Variants in RALGAPA1 observed in about 807,000 individuals in gnomAD.
RALGAPA1 encodes ral GTPase-activating protein subunit alpha-1.
RALGAPA1 carries 52 observed loss-of-function variants against 269.6 expected under a neutral mutation model. The observed-to-expected ratio is 0.19, with a 90% CI of 0.15 to 0.24. The LOEUF is 0.24. Among genes scored for constraint, RALGAPA1 ranks in the 10% least tolerant of loss-of-function variants. RALGAPA1 has a pLI of 1.00. For missense variants in RALGAPA1, 1,917 were observed against 3,013.9 expected (o/e 0.64, Z 8.52); for synonymous variants, 817 against 1,008.3 (o/e 0.81, Z 3.60).
intron 39 of RALGAPA1, among the ~76,000 whole-genome samples, chr14:35,569,483 T>G (rs1403878629): frequency 6.6e-6 from 1 of 152,192 alleles, no homozygotes; most frequent in East Asian, 1.9e-4. Flanking sequence ...TTATTATCAT[T>G]CTCATTTTAT....
At chr14:35,588,070 C>G (rs1478157360) in intron 37 of RALGAPA1, among the ~76,000 whole-genome samples, 1 of 152,076 alleles carries the variant, frequency 6.6e-6, no homozygotes, top group Non-Finnish European at 1.5e-5. Flanking sequence ...CCACGCCCAG[C>G]TAGTTTTTGA....
intron 31 of RALGAPA1, among the ~76,000 whole-genome samples, chr14:35,636,864 T>A (rs1566889613): frequency 6.6e-6 from 1 of 152,196 alleles, no homozygotes; most frequent in African/African-American, 2.4e-5. Flanking sequence ...AATCCCAGCA[T>A]CTTTCTCCCA....
chr14:35,554,513 A>AT (rs754506615), intron 39 of RALGAPA1, among the ~76,000 whole-genome samples: 19 of 149,874 alleles, frequency 1.3e-4, no homozygotes, highest in East Asian at 1.2e-3. Context: ...CGCCCGGCTA[A>AT]TTTTTTGTAT....
At chr14:35,667,537 C>G (rs2064046271) in intron 26 of RALGAPA1, among the ~76,000 whole-genome samples, 1 of 152,160 alleles carries the variant, frequency 6.6e-6, no homozygotes, top group Admixed American at 6.5e-5. Flanking sequence ...TACTTGTGAT[C>G]TAGTTAAAAT....
At chr14:35,657,227 T>C (rs1441909986) in intron 28 of RALGAPA1, among the ~76,000 whole-genome samples, 1 of 151,374 alleles carries the variant, frequency 6.6e-6, no homozygotes, top group Non-Finnish European at 1.5e-5. Context: ...CACTCTGTCT[T>C]GCCCAGGCTG....
intron 35 of RALGAPA1, among the ~76,000 whole-genome samples, chr14:35,612,639 T>C (rs148255268): frequency 1.7e-3 from 252 of 151,464 alleles, no homozygotes; most frequent in East Asian, 6.5e-3. Flanking sequence ...CCCAGGTTCA[T>C]GCCACTCTCC....
At chr14:35,643,415 C>A (rs1005391869) in intron 31 of RALGAPA1, among the ~76,000 whole-genome samples, 4 of 152,040 alleles carry the variant, frequency 2.6e-5, no homozygotes, top group African/African-American at 9.7e-5. Context: ...GAAAAGGGAA[C>A]CCTCATACAC....
intron 31 of RALGAPA1, among the ~76,000 whole-genome samples, chr14:35,645,379 G>A (rs999682849): frequency 3.3e-5 from 5 of 151,150 alleles, no homozygotes; most frequent in East Asian, 1.9e-4. Flanking sequence ...GTGTGTGTGT[G>A]TGTGTGTGTG....
chr14:35,678,823 C>T (rs2065173640), intron 21 of RALGAPA1, among the ~76,000 whole-genome samples: 1 of 152,062 alleles, frequency 6.6e-6, no homozygotes, highest in Admixed American at 6.6e-5. Flanking sequence ...GAGCCCTAAT[C>T]CTCTTTTCGG....
chr14:35,646,187 C>G (rs541891933), intron 31 of RALGAPA1, among the ~76,000 whole-genome samples: 161 of 152,184 alleles, frequency 1.1e-3, no homozygotes, highest in African/African-American at 3.4e-3. Context: ...ATAATTGTTT[C>G]TGGTAAGAGT....
intron 16 of RALGAPA1, among the ~76,000 whole-genome samples, chr14:35,705,990 T>C (rs943181314): frequency 6.6e-6 from 1 of 152,210 alleles, no homozygotes; most frequent in Non-Finnish European, 1.5e-5. Context: ...ATTTTTCAGG[T>C]TGTTCTCTTC....
At chr14:35,763,281 C>T (rs1323855991) in intron 4 of RALGAPA1, among the ~76,000 whole-genome samples, 1 of 151,916 alleles carries the variant, frequency 6.6e-6, no homozygotes. Flanking sequence ...GACCACCACT[C>T]AGTATGAATA....
At chr14:35,559,965 T>C (rs1222435149) in intron 39 of RALGAPA1, among the ~76,000 whole-genome samples, 3 of 152,192 alleles carry the variant, frequency 2.0e-5, no homozygotes, top group African/African-American at 4.8e-5. Flanking sequence ...ATAAATACTA[T>C]CAAACATTTA....
At chr14:35,782,110 G>A (rs1436885052) in intron 1 of RALGAPA1, among the ~76,000 whole-genome samples, 1 of 152,084 alleles carries the variant, frequency 6.6e-6, no homozygotes, top group East Asian at 1.9e-4. Flanking sequence ...CTATCTGACT[G>A]ACAAACAAGC....
intron 37 of RALGAPA1, among the ~76,000 whole-genome samples, chr14:35,586,656 T>G (rs1001266136): frequency 1.3e-5 from 2 of 152,232 alleles, no homozygotes; most frequent in Non-Finnish European, 2.9e-5. Flanking sequence ...GTTTTTAGCA[T>G]GAAGAGCTGT....
In RALGAPA1 at chr14:35,560,089, A is replaced by G. The variant is rs138974773; in HGVS notation, c.7496+10528T>C. Among the ~76,000 whole-genome samples, 18 of 152,354 alleles carry G rather than the reference A, an allele frequency of 1.2e-4. 1 individual carries two copies. Among genetic ancestry groups the G allele is most frequent in the African/African-American group, 3.8e-4 (16 of 41,594 alleles). On this transcript the variant is annotated intron_variant, in intron 39 of 41. Transcript: ENST00000680220. ...AAATAACGATCAATAAACATTTTGGAAAGGCTTCGCTAGAAAATGAAAAAT... is the reference window on the plus strand; with the variant it reads ...AAATAACGATCAATAAACATTTTGGGAAGGCTTCGCTAGAAAATGAAAAAT...
chr14:35,781,901 A>G (rs1402793429), intron 1 of RALGAPA1, among the ~76,000 whole-genome samples: 1 of 152,206 alleles, frequency 6.6e-6, no homozygotes, highest in Non-Finnish European at 1.5e-5. Flanking sequence ...TGAAAGCTTT[A>G]CCCCTAAAAG....
chr14:35,559,716 C>G (rs1399208419), intron 39 of RALGAPA1, among the ~76,000 whole-genome samples: 1 of 152,114 alleles, frequency 6.6e-6, no homozygotes, highest in Non-Finnish European at 1.5e-5. Flanking sequence ...GGTGGTAATG[C>G]TTTCTTTTGG....
At chr14:35,628,637 G>T (rs530248375) in intron 33 of RALGAPA1, among the ~76,000 whole-genome samples, 1 of 152,200 alleles carries the variant, frequency 6.6e-6, no homozygotes, top group South Asian at 2.1e-4. Flanking sequence ...TTCAGAAAAG[G>T]TGACATTCCA....
Sources: gnomAD v4.1 joint callset for allele counts (sites outside exome capture counted in the v4.1 genomes callset) on GRCh38, gnomAD v4.1.1 for gene constraint, MANE v1.5 for transcripts, NCBI Gene and HGNC (gene_info 2026-07-23, HGNC 2026-07-21) for gene names.